The following AFG2A variants were observed in gnomAD, a reference collection of about 807,000 sequenced individuals.
AFG2A encodes AAA ATPase AFG2A.
At chr4:123,077,486 C>T in the AFG2A span, among the ~76,000 whole-genome samples, 6 of 152,128 alleles carry the variant, frequency 3.9e-5, no homozygotes, top group Non-Finnish European at 4.4e-5. Context: ...TGGCAGAAAC[C>T]ATGAGGCTCA....
At chr4:123,222,849 T>C in the AFG2A span, among the ~76,000 whole-genome samples, 2 of 152,212 alleles carry the variant, frequency 1.3e-5, no homozygotes, top group Non-Finnish European at 2.9e-5. Flanking sequence ...TCATCCATGT[T>C]ATCCCATATG....
chr4:123,105,756 T>C, the AFG2A span, among the ~76,000 whole-genome samples: 1 of 152,196 alleles, frequency 6.6e-6, no homozygotes, highest in African/African-American at 2.4e-5. Flanking sequence ...GAGTGTGAAG[T>C]TGGGACTGAA....
At chr4:123,177,648 G>T in the AFG2A span, among the ~76,000 whole-genome samples, 1 of 152,150 alleles carries the variant, frequency 6.6e-6, no homozygotes, top group South Asian at 2.1e-4. Flanking sequence ...CAGTATTTTC[G>T]ATATTAACAG....
At chr4:123,293,695 G>A in the AFG2A span, among the ~76,000 whole-genome samples, 109,799 of 152,086 alleles carry the variant, frequency 0.72, 40,870 homozygotes, top group Non-Finnish European at 0.81. Context: ...ACACTATGCA[G>A]ACAAGGCAGT....
chr4:123,195,404 A>G, the AFG2A span, among the ~76,000 whole-genome samples: 1 of 151,818 alleles, frequency 6.6e-6, no homozygotes, highest in Non-Finnish European at 1.5e-5. Context: ...TTCTAACATT[A>G]AATTATTCAA....
At chr4:123,252,716 C>G in the AFG2A span, among the ~76,000 whole-genome samples, 1 of 152,196 alleles carries the variant, frequency 6.6e-6, no homozygotes, top group Non-Finnish European at 1.5e-5. Context: ...GAAACCACCT[C>G]TGCAATTAAG....
At chr4:122,947,188 TCTAAC>T in the AFG2A span, 4 of 1,481,886 alleles carry the variant, frequency 2.7e-6, no homozygotes, top group Admixed American at 2.4e-5. Flanking sequence ...CTTTTTTTTT[TCTAAC>T]TTTCAGAAAA....
chr4:122,947,823 A>T, the AFG2A span, among the ~76,000 whole-genome samples: 1 of 152,310 alleles, frequency 6.6e-6, no homozygotes, highest in Admixed American at 6.5e-5. Flanking sequence ...ACAGTAAAAA[A>T]TAATAAAAAC....
chr4:122,998,165 C>A, the AFG2A span, among the ~76,000 whole-genome samples: 1 of 151,992 alleles, frequency 6.6e-6, no homozygotes, highest in Admixed American at 6.6e-5. Flanking sequence ...AGTCCAGTAT[C>A]TTTTTGTTGT....
the AFG2A span, among the ~76,000 whole-genome samples, chr4:123,114,425 C>T: frequency 6.6e-6 from 1 of 152,186 alleles, no homozygotes; most frequent in Non-Finnish European, 1.5e-5. Context: ...CACAGGCCAG[C>T]CCAGAGCCTC....
the AFG2A span, among the ~76,000 whole-genome samples, chr4:123,197,941 A>G: frequency 6.6e-6 from 1 of 152,110 alleles, no homozygotes; most frequent in South Asian, 2.1e-4. Context: ...ATAGAAACAG[A>G]TTTTGAAGCC....
At chr4:123,070,139 T>C in the AFG2A span, among the ~76,000 whole-genome samples, 2 of 152,208 alleles carry the variant, frequency 1.3e-5, no homozygotes, top group Non-Finnish European at 2.9e-5. Context: ...TCTTGCTCTT[T>C]TCAGCAAATA....
At chr4:123,199,769 C>T in the AFG2A span, among the ~76,000 whole-genome samples, 2 of 151,826 alleles carry the variant, frequency 1.3e-5, no homozygotes, top group African/African-American at 2.4e-5. Context: ...CACACCCGGC[C>T]GATATACTCA....
the AFG2A span, among the ~76,000 whole-genome samples, chr4:123,114,945 G>A: frequency 2.0e-5 from 3 of 152,202 alleles, no homozygotes; most frequent in African/African-American, 4.8e-5. Context: ...GGTGGGGCGC[G>A]AGGTTGAGGC....
At chr4:123,007,435 C>A in the AFG2A span, among the ~76,000 whole-genome samples, 6 of 151,538 alleles carry the variant, frequency 4.0e-5, no homozygotes. Flanking sequence ...CCGTCACACA[C>A]AGGGTTTTCT....
At chr4:123,116,340 G>A in the AFG2A span, among the ~76,000 whole-genome samples, 2 of 152,188 alleles carry the variant, frequency 1.3e-5, no homozygotes, top group African/African-American at 4.8e-5. Context: ...CTCAAGCAGT[G>A]AATGAGCTAC....
chr4:122,970,463 G>T, the AFG2A span, among the ~76,000 whole-genome samples: 3 of 148,722 alleles, frequency 2.0e-5, no homozygotes, highest in African/African-American at 7.5e-5. Context: ...TCTAGAAAAA[G>T]TAAAAAAAAA....
At chr4:122,944,835 T>C in the AFG2A span, among the ~76,000 whole-genome samples, 4 of 152,178 alleles carry the variant, frequency 2.6e-5, no homozygotes, top group Admixed American at 1.3e-4. Flanking sequence ...CCTTTCTGTT[T>C]GTTAGTTTTC....
the AFG2A span, among the ~76,000 whole-genome samples, chr4:123,080,862 A>C: frequency 3.3e-5 from 5 of 151,920 alleles, no homozygotes; most frequent in African/African-American, 9.7e-5. Flanking sequence ...ACAGCTAACT[A>C]TCCGTCCTGG....
Sources: gnomAD v4.1 joint callset for allele counts (sites outside exome capture counted in the v4.1 genomes callset) on GRCh38, gnomAD v4.1.1 for gene constraint, MANE v1.5 for transcripts, NCBI Gene and HGNC (gene_info 2026-07-23, HGNC 2026-07-21) for gene names.